SEMA3D: variants seen among roughly 807,000 people sequenced by gnomAD.
SEMA3D encodes semaphorin-3D.
SEMA3D carries 84 observed loss-of-function variants against 100.1 expected under a neutral mutation model. The observed-to-expected ratio is 0.84, with a 90% CI of 0.70 to 1.01. The LOEUF is 1.01. Ranked by LOEUF, SEMA3D falls within the 50% of genes least tolerant of loss-of-function variation. The pLI is 0.00. For synonymous variants in SEMA3D, 312 were observed against 320.7 expected (o/e 0.97, Z 0.29); for missense variants, 875 against 934.1 (o/e 0.94, Z 0.82).
intron 3 of SEMA3D, among the ~76,000 whole-genome samples, chr7:85,102,721 G>A (rs1041971201): frequency 6.6e-6 from 1 of 152,030 alleles, no homozygotes; most frequent in African/African-American, 2.4e-5. Context: ...TCTGAAACAT[G>A]GTGAATCCCT....
At chr7:85,026,951 T>C (rs1790406790) in intron 12 of SEMA3D, among the ~76,000 whole-genome samples, 1 of 152,068 alleles carries the variant, frequency 6.6e-6, no homozygotes, top group Admixed American at 6.6e-5. Context: ...TTGGAATTTC[T>C]AAGCAATATT....
chr7:85,181,319 AACACACACACACAC>A (rs3076567), intron 1 of SEMA3D, among the ~76,000 whole-genome samples: 64 of 93,680 alleles, frequency 6.8e-4, no homozygotes, highest in African/African-American at 2.6e-3. Context: ...ACATGCTCAC[AACACACACACACAC>A]ACACACACAC....
intron 1 of SEMA3D, among the ~76,000 whole-genome samples, chr7:85,170,207 T>C (rs1247118361): frequency 6.6e-6 from 1 of 151,846 alleles, no homozygotes; most frequent in Non-Finnish European, 1.5e-5. Flanking sequence ...AAGATTACCA[T>C]TGGTTTCTAT....
chr7:85,131,394 T>C (rs1789721305), intron 2 of SEMA3D, among the ~76,000 whole-genome samples: 1 of 152,126 alleles, frequency 6.6e-6, no homozygotes, highest in South Asian at 2.1e-4. Context: ...TAATTGTATT[T>C]GGAGCACCTC....
At chr7:85,096,740 A>G (rs750114189) in intron 4 of SEMA3D, among the ~76,000 whole-genome samples, 1 of 151,848 alleles carries the variant, frequency 6.6e-6, no homozygotes, top group Non-Finnish European at 1.5e-5. Context: ...TGTGTAGACT[A>G]AAGCCCTGAG....
intron 15 of SEMA3D, among the ~76,000 whole-genome samples, chr7:85,016,979 A>T (rs932224120): frequency 6.6e-6 from 1 of 151,644 alleles, no homozygotes; most frequent in Non-Finnish European, 1.5e-5. Context: ...ATAAAGATAT[A>T]TAAAGTTGTG....
At chr7:85,174,736 G>T (rs970707539) in intron 1 of SEMA3D, among the ~76,000 whole-genome samples, 2 of 152,110 alleles carry the variant, frequency 1.3e-5, no homozygotes, top group Non-Finnish European at 2.9e-5. Flanking sequence ...TTAAGTGGGT[G>T]TTTGTGGGGT....
intron 9 of SEMA3D, among the ~76,000 whole-genome samples, chr7:85,054,038 T>C (rs866524019): frequency 6.6e-6 from 1 of 151,944 alleles, no homozygotes; most frequent in South Asian, 2.1e-4. Context: ...ACATGGTTGA[T>C]GTTTAGAGAA....
At chr7:85,186,432 G>C (rs1212549082) in intron 1 of SEMA3D, among the ~76,000 whole-genome samples, 1 of 152,148 alleles carries the variant, frequency 6.6e-6, no homozygotes, top group South Asian at 2.1e-4. Context: ...CTGCTGAGGC[G>C]GGGTGGGACT....
intron 11 of SEMA3D, among the ~76,000 whole-genome samples, chr7:85,038,248 C>T (rs1177350663): frequency 6.6e-6 from 1 of 152,080 alleles, no homozygotes; most frequent in African/African-American, 2.4e-5. Context: ...TAATGATTCT[C>T]TAGCATAGTA....
the SEMA3D span, among the ~76,000 whole-genome samples, chr7:85,216,789 T>C: frequency 6.6e-6 from 1 of 152,012 alleles, no homozygotes; most frequent in African/African-American, 2.4e-5. Flanking sequence ...TTTTCTGTAA[T>C]TGTAATTTAT....
At chr7:85,238,868 C>A in the SEMA3D span, among the ~76,000 whole-genome samples, 1 of 152,026 alleles carries the variant, frequency 6.6e-6, no homozygotes. Flanking sequence ...TTTGTTTCAT[C>A]AGAGTTTTGT....
At chr7:85,018,996 T>C (rs1790180923) in intron 14 of SEMA3D, among the ~76,000 whole-genome samples, 1 of 150,912 alleles carries the variant, frequency 6.6e-6, no homozygotes, top group East Asian at 2.0e-4. Context: ...TATTAGATGT[T>C]AAAGATTTAA....
At chr7:85,142,707 C>T in intron 2 of SEMA3D, 6 of 980,350 alleles carry the variant, frequency 6.1e-6, no homozygotes, top group Non-Finnish European at 7.3e-6. Context: ...GTCTAAAAAC[C>T]CCATCAATGT....
chr7:85,196,410 G>T, the SEMA3D span, among the ~76,000 whole-genome samples: 1 of 152,120 alleles, frequency 6.6e-6, no homozygotes, highest in Non-Finnish European at 1.5e-5. Flanking sequence ...GAAAAAGGTA[G>T]TTTGAACAGT....
chr7:85,129,831 C>T (rs904097632), intron 2 of SEMA3D, among the ~76,000 whole-genome samples: 8 of 152,048 alleles, frequency 5.3e-5, no homozygotes, highest in Admixed American at 5.3e-4. Flanking sequence ...CCATATTTAA[C>T]AGCAAACATT....
At chr7:85,181,021 T>C (rs1337569673) in intron 1 of SEMA3D, among the ~76,000 whole-genome samples, 2 of 152,146 alleles carry the variant, frequency 1.3e-5, no homozygotes, top group Non-Finnish European at 2.9e-5. Flanking sequence ...AAGATATGAG[T>C]TTGGGAAGAA....
chr7:85,063,231 TA>T (rs1172193866), intron 8 of SEMA3D, among the ~76,000 whole-genome samples: 2 of 152,102 alleles, frequency 1.3e-5, no homozygotes, highest in African/African-American at 4.8e-5. Flanking sequence ...CACAAATAAA[TA>T]AGTTCCACAG....
At chr7:85,162,431 A>G (rs970763103) in intron 1 of SEMA3D, among the ~76,000 whole-genome samples, 4 of 152,236 alleles carry the variant, frequency 2.6e-5, no homozygotes, top group Admixed American at 6.6e-5. Context: ...GACGTAGATC[A>G]GGTAAAAATT....
Sources: allele counts gnomAD v4.1 joint callset (sites outside exome capture counted in the v4.1 genomes callset), GRCh38; gene constraint gnomAD v4.1.1; transcripts MANE v1.5; gene names NCBI Gene and HGNC (gene_info 2026-07-23, HGNC 2026-07-21).